The following ZFHX3 variants were observed in gnomAD, a reference collection of about 807,000 sequenced individuals.
The protein encoded by ZFHX3 is zinc finger homeobox 3, also known as zinc finger homeobox protein 3.
A neutral mutation model predicts 279.1 loss-of-function variants in ZFHX3; 42 were observed. The ratio of observed to expected loss-of-function variants is 0.15; its 90% CI spans 0.12 to 0.19. The LOEUF is 0.19. Among genes scored for constraint, ZFHX3 ranks in the 10% least tolerant of loss-of-function variants. The pLI is 1.00. For missense variants in ZFHX3, 4,981 were observed against 4,754.0 expected (o/e 1.05, Z -1.40); for synonymous variants, 2,293 against 1,957.8 (o/e 1.17, Z -4.52).
At chr16:73,706,456 C>CA (rs59244758) in intron 1 of ZFHX3, among the ~76,000 whole-genome samples, 1,927 of 129,710 alleles carry the variant, frequency 0.015, 37 homozygotes, top group African/African-American at 0.049. Flanking sequence ...AACTCTATCT[C>CA]AAAAAAAAAA....
chr16:73,526,379 G>A (rs1375500741), intron 2 of ZFHX3, among the ~76,000 whole-genome samples: 1 of 152,194 alleles, frequency 6.6e-6, no homozygotes, highest in African/African-American at 2.4e-5. Context: ...AGAGAAAGGA[G>A]GGGCCAAGTC....
Position 72,958,625 on chromosome 16 carries a change from G to C in ZFHX3, c.1521C>G (p.Pro507=). The C allele has an allele frequency of 6.2e-7, 1 of 1,614,042 alleles. No homozygotes were observed. Residue 507 remains proline (P), a synonymous_variant, in exon 2 of 10, where the codon CCC becomes CCG. Coordinates refer to ENST00000268489, the MANE Select transcript of ZFHX3 (RefSeq NM_006885.4). The part of the protein sequence containing the change: ...SELDEELEDR[P]HEEPGAAAGS... ...CTGCTGCGGCCCCAGGCTCCTCATG[G>C]GGCCTGTCCTCCAGTTCCTCATCCA...
intron 2 of ZFHX3, among the ~76,000 whole-genome samples, chr16:73,552,149 T>C (rs908091217): frequency 3.3e-5 from 5 of 152,274 alleles, no homozygotes; most frequent in South Asian, 2.1e-4. Context: ...ATAAATTGCA[T>C]TGATCTGGTA....
rs1426594732 is a variant in ZFHX3 at position 73,183,482 on chromosome 16, GTTTC to G, written c.-1103-39655_-1103-39652del. The stretch of plus-strand genomic sequence containing the variant: ...TGGATTACTGTAAAGTGAGGTGGGT[GTTTC>G]TTTGTGTTTTCCCCCTGAAGGGGTC... On this transcript the variant is annotated intron_variant, in intron 5 of 17. Coordinates refer to the ZFHX3 transcript ENST00000641206. 3.9e-5 allele frequency among the ~76,000 whole-genome samples: 6 copies of G among 152,202 alleles called. 1 individual carries two copies. The highest frequency in any genetic ancestry group is 8.8e-5 in the Non-Finnish European group (6 of 68,032).
chr16:73,210,045 AC>A (rs913010579), intron 5 of ZFHX3, among the ~76,000 whole-genome samples: 1 of 152,158 alleles, frequency 6.6e-6, no homozygotes, highest in African/African-American at 2.4e-5. Context: ...GTTTATGGAT[AC>A]CCCAGATTAA....
In ZFHX3 at chr16:72,788,498, CCTT is replaced by C. The variant is rs764542298; in HGVS notation, c.9775_9777del (p.Lys3259del). 1.1e-5 allele frequency: 18 copies of C among 1,614,068 alleles called. 1 individual carries two copies. The highest frequency in any genetic ancestry group is 9.9e-5 in the South Asian group (9 of 91,088). ...GTTGCCGTGGGGGCCTCTCCTTTCT[CCTT>C]CTTGGGGACAGGCAGGGGTTCCCCT... On this transcript the variant is annotated inframe_deletion, in exon 10 of 10. Transcript: ENST00000268489.
chr16:72,888,767 C>T (rs1453238302), intron 4 of ZFHX3, among the ~76,000 whole-genome samples: 1 of 152,160 alleles, frequency 6.6e-6, no homozygotes, highest in South Asian at 2.1e-4. Flanking sequence ...AGATCAGCAG[C>T]GCCCTCCCAA....
chr16:73,069,344 CA>C (rs1357930980), intron 8 of ZFHX3, among the ~76,000 whole-genome samples: 22 of 152,080 alleles, frequency 1.4e-4, no homozygotes, highest in Admixed American at 1.3e-3. Context: ...AAGCGGGTGG[CA>C]GGGGGGAAGC....
intron 7 of ZFHX3, among the ~76,000 whole-genome samples, chr16:73,105,186 G>C (rs59413571): frequency 0.43 from 64,596 of 148,984 alleles, 14,878 homozygotes; most frequent in Middle Eastern, 0.61. Flanking sequence ...TGGGAGGACG[G>C]CTTGAGGCCA....
intron 1 of ZFHX3, among the ~76,000 whole-genome samples, chr16:73,822,774 C>A (rs534169048): frequency 2.3e-4 from 35 of 152,264 alleles, no homozygotes; most frequent in African/African-American, 7.9e-4. Flanking sequence ...CCAGAAGAAG[C>A]CCCAGCTGGA....
At chr16:73,794,371 A>C (rs745331147) in intron 1 of ZFHX3, 2 of 152,238 alleles carry the variant, frequency 1.3e-5, no homozygotes, top group Admixed American at 1.3e-4. Flanking sequence ...CAAGCTGCTC[A>C]TCAATTTCAA....
At chr16:73,166,019 C>G (rs181288291) in intron 5 of ZFHX3, among the ~76,000 whole-genome samples, 1 of 152,220 alleles carries the variant, frequency 6.6e-6, no homozygotes, top group East Asian at 1.9e-4. Flanking sequence ...GGAGGATAAA[C>G]TGAGAAACAA....
intron 5 of ZFHX3, among the ~76,000 whole-genome samples, chr16:72,823,772 C>T (rs1052734209): frequency 6.6e-6 from 1 of 152,124 alleles, no homozygotes; most frequent in South Asian, 2.1e-4. Context: ...TTTGGTCCAA[C>T]CTGCCACTTT....
At chr16:73,129,910 A>G (rs750780771) in intron 7 of ZFHX3, among the ~76,000 whole-genome samples, 3 of 152,100 alleles carry the variant, frequency 2.0e-5, no homozygotes, top group Non-Finnish European at 4.4e-5. Context: ...GTTTTAATTA[A>G]CCATCCTCCT....
intron 4 of ZFHX3, among the ~76,000 whole-genome samples, chr16:73,262,475 T>C (rs1418630463): frequency 6.6e-6 from 1 of 152,202 alleles, no homozygotes; most frequent in Non-Finnish European, 1.5e-5. Context: ...TACAAGTTAT[T>C]CAACCTCTAT....
intron 5 of ZFHX3, among the ~76,000 whole-genome samples, chr16:73,226,958 T>TA (rs778906998): frequency 6.6e-6 from 1 of 152,204 alleles, no homozygotes; most frequent in Non-Finnish European, 1.5e-5. Flanking sequence ...CACGTGTATT[T>TA]AAAGTTGAAT....
intron 2 of ZFHX3, among the ~76,000 whole-genome samples, chr16:73,657,369 A>G (rs2052732855): frequency 6.6e-6 from 1 of 152,232 alleles, no homozygotes; most frequent in Non-Finnish European, 1.5e-5. Flanking sequence ...AGGCAGGGAG[A>G]ATCACCTAAA....
intron 1 of ZFHX3, among the ~76,000 whole-genome samples, chr16:73,855,239 T>TTG (rs1961696884): frequency 7.1e-6 from 1 of 139,952 alleles, no homozygotes; most frequent in Non-Finnish European, 1.5e-5. Context: ...TTTTTTTTTT[T>TTG]GTCAAATGCC....
chr16:72,999,178 C>G (rs189962513), intron 1 of ZFHX3, among the ~76,000 whole-genome samples: 2 of 152,248 alleles, frequency 1.3e-5, no homozygotes, highest in East Asian at 3.9e-4. Flanking sequence ...GAGACAAAGT[C>G]CCGCTCTGTC....
Sources: allele counts gnomAD v4.1 joint callset (sites outside exome capture counted in the v4.1 genomes callset), GRCh38; gene constraint gnomAD v4.1.1; transcripts MANE v1.5; gene names NCBI Gene and HGNC (gene_info 2026-07-23, HGNC 2026-07-21).